The following CSMD1 variants were observed in gnomAD, a reference collection of about 807,000 sequenced individuals.
CSMD1 encodes the protein CUB and Sushi multiple domains 1.
In CSMD1, 213 loss-of-function variants were observed where a neutral mutation model predicts 417.5. The ratio of observed to expected loss-of-function variants is 0.51; its 90% CI spans 0.46 to 0.57. The LOEUF (loss-of-function observed/expected upper bound fraction) is 0.57, where lower values mean the gene tolerates loss of function less well. CSMD1 is among the 20% of genes least tolerant of loss of function. The pLI is 0.00. For synonymous variants in CSMD1, 2,862 were observed against 1,736.8 expected, an observed-to-expected ratio of 1.65 and a Z score of -16.11; for missense variants, 6,923 against 4,529.7, an observed-to-expected ratio of 1.53 and a Z score of -15.17.
chr8:4,064,947 C>G (rs770960438), intron 3 of CSMD1, among the ~76,000 whole-genome samples: 6 of 151,596 alleles, frequency 4.0e-5, no homozygotes, highest in Admixed American at 6.6e-5. Flanking sequence ...AAAACCTTAC[C>G]TCTAGATTTA....
intron 3 of CSMD1, among the ~76,000 whole-genome samples, chr8:4,130,784 C>G (rs1028926033): frequency 2.0e-5 from 3 of 151,756 alleles, no homozygotes; most frequent in African/African-American, 4.8e-5. Context: ...GTAACAAAAT[C>G]TGTCAATGCT....
intron 65 of CSMD1, among the ~76,000 whole-genome samples, 176 bp downstream of exon 65, chr8:2,954,048 T>C (rs138082497): frequency 6.6e-6 from 1 of 152,260 alleles, no homozygotes; most frequent in African/African-American, 2.4e-5. Flanking sequence ...TAACAAACCA[T>C]TGTTGTGAAA....
intron 3 of CSMD1, among the ~76,000 whole-genome samples, chr8:4,241,230 G>C (rs940221847): frequency 2.6e-5 from 4 of 152,110 alleles, no homozygotes; most frequent in Non-Finnish European, 4.4e-5. Flanking sequence ...CACTAGAATA[G>C]AATTTGACAC....
rs552364058 is a variant in CSMD1 at position 4,564,215 on chromosome 8, G to A, written c.302+73127C>T. Among the ~76,000 whole-genome samples the A allele has an allele frequency of 3.9e-5, 6 of 152,204 alleles. No individual in the cohort carries two copies. The South Asian group carries it at 8.3e-4, about 21-fold the overall frequency. On this transcript the variant is annotated intron_variant, in intron 2 of 69. Transcript: ENST00000635120. ...ATATTTTTCTTCACTTCCTTCCCCT[G>A]GACATGCACAAGGAAAACAAGCACA...
At chr8:3,687,318 T>A (rs1406606103) in intron 7 of CSMD1, among the ~76,000 whole-genome samples, 6 of 152,192 alleles carry the variant, frequency 3.9e-5, no homozygotes, top group African/African-American at 1.4e-4. Context: ...AAAGGTGATC[T>A]GCTCCATGTA....
chr8:4,475,768 A>T (rs1334390316), intron 2 of CSMD1, among the ~76,000 whole-genome samples: 1 of 151,914 alleles, frequency 6.6e-6, no homozygotes, highest in Non-Finnish European at 1.5e-5. Context: ...GTGCACCACC[A>T]CACACAGCTA....
intron 3 of CSMD1, among the ~76,000 whole-genome samples, chr8:4,402,111 G>T (rs13253200): frequency 0.046 from 6,989 of 152,074 alleles, 388 homozygotes; most frequent in African/African-American, 0.14. Context: ...CGATGAACTT[G>T]TCTTCCATTC....
chr8:4,717,305 C>A (rs1808718215), intron 1 of CSMD1, among the ~76,000 whole-genome samples: 1 of 104,620 alleles, frequency 9.6e-6, no homozygotes, highest in Non-Finnish European at 1.8e-5. Context: ...CTCTCTCTCT[C>A]TCTCCATATA....
chr8:4,360,476 T>G (rs866628134), intron 3 of CSMD1, among the ~76,000 whole-genome samples: 1 of 152,160 alleles, frequency 6.6e-6, no homozygotes, highest in Non-Finnish European at 1.5e-5. Flanking sequence ...TCTTTTTTCT[T>G]GCACATACTT....
At chr8:3,776,258 C>G (rs984026114) in intron 5 of CSMD1, among the ~76,000 whole-genome samples, 1 of 152,166 alleles carries the variant, frequency 6.6e-6, no homozygotes, top group Non-Finnish European at 1.5e-5. Flanking sequence ...TGCTTCTATC[C>G]TCCCTGCTCC....
intron 1 of CSMD1, among the ~76,000 whole-genome samples, chr8:4,715,358 C>T (rs1475061611): frequency 6.6e-6 from 1 of 152,168 alleles, no homozygotes; most frequent in East Asian, 1.9e-4. Flanking sequence ...AATGCTTCAT[C>T]AAAGAGCAAT....
intron 17 of CSMD1, among the ~76,000 whole-genome samples, chr8:3,391,640 C>CA (rs563904184): frequency 4.5e-4 from 68 of 152,108 alleles, no homozygotes; most frequent in African/African-American, 1.5e-3. Flanking sequence ...ACAAAAGCCT[C>CA]AAAAAAATGA....
chr8:4,686,800 A>G (rs1041558992), intron 1 of CSMD1, among the ~76,000 whole-genome samples: 1 of 152,210 alleles, frequency 6.6e-6, no homozygotes, highest in African/African-American at 2.4e-5. Context: ...GACCCATTTG[A>G]AAGGTTAGAA....
intron 1 of CSMD1, among the ~76,000 whole-genome samples, chr8:4,705,579 G>A (rs1807882610): frequency 6.6e-6 from 1 of 152,144 alleles, no homozygotes; most frequent in Non-Finnish European, 1.5e-5. Context: ...CTGAAAGGCA[G>A]GAGTACTTAT....
At chr8:3,655,528 T>C (rs1307324662) in intron 7 of CSMD1, among the ~76,000 whole-genome samples, 1 of 152,170 alleles carries the variant, frequency 6.6e-6, no homozygotes, top group East Asian at 1.9e-4. Flanking sequence ...CACTGCACAG[T>C]GCACCTGCTG....
At chr8:3,966,619 T>C (rs1013690732) in intron 5 of CSMD1, among the ~76,000 whole-genome samples, 1 of 152,122 alleles carries the variant, frequency 6.6e-6, no homozygotes, top group Non-Finnish European at 1.5e-5. Flanking sequence ...TATTCATTAT[T>C]TTTTCAATTA....
intron 3 of CSMD1, among the ~76,000 whole-genome samples, chr8:4,248,036 G>T (rs1052555363): frequency 2.0e-5 from 3 of 152,108 alleles, no homozygotes; most frequent in Non-Finnish European, 4.4e-5. Flanking sequence ...ATTTAGAGAA[G>T]TTATTTATGA....
rs769035187 is a variant in CSMD1, at chr8:3,307,785, C to T, written c.3860G>A (p.Gly1287Glu). ...TGGATAGCCAGGGGACAATATTCGTCCTGATGTGGCTGCATGGATCTGACC... is the reference window on the plus strand; with the variant it reads ...TGGATAGCCAGGGGACAATATTCGTTCTGATGTGGCTGCATGGATCTGACC... ...CGGQIHAATS[G>E]RILSPGYPAP... Residue 1287 changes from glycine (G) to glutamate (E), a missense_variant, in exon 25 of 70, where the codon GGA becomes GAA. By Grantham distance (98) the Gly-to-Glu change is moderately conservative. Transcript: ENST00000635120. 3 of 1,613,616 alleles carry T rather than the reference C, an allele frequency of 1.9e-6. No homozygotes were observed. The highest frequency in any genetic ancestry group is 2.5e-6 in the Non-Finnish European group (3 of 1,179,668).
At chr8:3,387,856 C>T (rs7835196) in intron 17 of CSMD1, among the ~76,000 whole-genome samples, 174 bp from the exon 18 acceptor site, 73,462 of 152,054 alleles carry the variant, frequency 0.48, 17,945 homozygotes, top group Middle Eastern at 0.51. Flanking sequence ...AACATTTGAC[C>T]TCGTTTTTTA....
Sources: gnomAD v4.1 joint callset for allele counts (sites outside exome capture counted in the v4.1 genomes callset) on GRCh38, gnomAD v4.1.1 for gene constraint, MANE v1.5 for transcripts, NCBI Gene and HGNC (gene_info 2026-07-23, HGNC 2026-07-21) for gene names.